PTPN13: variants seen among roughly 807,000 people sequenced by gnomAD.
PTPN13 encodes the protein protein tyrosine phosphatase non-receptor type 13, also known as tyrosine-protein phosphatase non-receptor type 13.
Under a neutral mutation model 284.0 loss-of-function variants are expected in PTPN13, and 191 were observed. That is an observed-to-expected ratio of 0.67 (90% CI 0.60 to 0.76). The LOEUF is 0.76. Ranked by LOEUF, PTPN13 falls within the 30% of genes least tolerant of loss-of-function variation. The probability of loss-of-function intolerance (pLI) is 0.00; values close to 1 mark genes in which losing one functional copy is unlikely to be tolerated. For synonymous variants in PTPN13, 986 were observed against 1,022.3 expected, an observed-to-expected ratio of 0.96 and a Z score of 0.68; for missense variants, 2,797 against 2,939.9, an observed-to-expected ratio of 0.95 and a Z score of 1.12.
chr4:86,605,568 C>CTGTAAGAT (rs1357147016), intron 1 of PTPN13, among the ~76,000 whole-genome samples: 2 of 151,642 alleles, frequency 1.3e-5, no homozygotes, highest in African/African-American at 4.8e-5. Flanking sequence ...CAACTTTTTC[C>CTGTAAGAT]TGTAAGATTG....
intron 7 of PTPN13, among the ~76,000 whole-genome samples, chr4:86,710,195 A>G (rs1732234150): frequency 6.6e-6 from 1 of 152,208 alleles, no homozygotes; most frequent in African/African-American, 2.4e-5. Flanking sequence ...GTTAGGACCC[A>G]TATCTTTAAA....
intron 40 of PTPN13, among the ~76,000 whole-genome samples, chr4:86,793,909 T>TCTAAA (rs139961751): frequency 0.28 from 43,047 of 151,516 alleles, 6,142 homozygotes; most frequent in African/African-American, 0.31. Flanking sequence ...GAAGGAAAGA[T>TCTAAA]CTTGACAGCC....
At chr4:86,604,399 C>T (rs1327308334) in intron 1 of PTPN13, among the ~76,000 whole-genome samples, 1 of 151,976 alleles carries the variant, frequency 6.6e-6, no homozygotes, top group African/African-American at 2.4e-5. Context: ...GAAATAGTAA[C>T]CTAATAAATC....
At chr4:86,664,324 G>A (rs1290899007) in intron 2 of PTPN13, among the ~76,000 whole-genome samples, 2 of 152,090 alleles carry the variant, frequency 1.3e-5, no homozygotes, top group African/African-American at 2.4e-5. Context: ...TATTTTCTGG[G>A]TGAATAATTT....
intron 3 of PTPN13, among the ~76,000 whole-genome samples, chr4:86,681,712 G>C (rs563871005): frequency 2.6e-5 from 4 of 152,290 alleles, no homozygotes; most frequent in African/African-American, 9.6e-5. Flanking sequence ...CAGATCACCT[G>C]AGGTCAGGAG....
At chr4:86,660,291 A>C (rs537761524) in intron 2 of PTPN13, among the ~76,000 whole-genome samples, 1 of 152,318 alleles carries the variant, frequency 6.6e-6, no homozygotes, top group African/African-American at 2.4e-5. Context: ...CAAAATAAAA[A>C]AGAAAGTGTA....
At chr4:86,615,110 C>T (rs78653580) in intron 1 of PTPN13, among the ~76,000 whole-genome samples, 7,073 of 152,144 alleles carry the variant, frequency 0.046, 221 homozygotes, top group African/African-American at 0.061. Context: ...AAATCTCTCA[C>T]GGTCTATTGA....
Position 86,733,284 on chromosome 4 carries a change from A to G in PTPN13, c.1858+518A>G, listed in dbSNP as rs190792143. On this transcript the variant is annotated intron_variant, in intron 12 of 47. Coordinates refer to ENST00000411767, the MANE Select transcript of PTPN13 (RefSeq NM_080683.3). ...CCACAGTGGTCTAAGACACAGCTTC[A>G]GTAGAAACTTCTCCTATTTATCAAT... Among the ~76,000 whole-genome samples, 34 of 152,244 alleles carry G rather than the reference A, an allele frequency of 2.2e-4. No individual in the cohort carries two copies. The East Asian group carries it at 6.4e-3, about 28-fold the overall frequency.
rs572686333 is a variant in PTPN13, at chr4:86,718,576, G to A, written c.1385+1459G>A. 5.5e-3 allele frequency among the ~76,000 whole-genome samples: 831 copies of A among 151,812 alleles called. 8 individuals are homozygous for A. The highest frequency in any genetic ancestry group is 0.019 in the African/African-American group (781 of 41,418). Reference sequence around the variant, plus strand: ...AGCAGTTCTCCTGCCTCAGCCTCCCGAGTAGCTGGGATTGCAGGCACCTGC... The same window carrying A: ...AGCAGTTCTCCTGCCTCAGCCTCCCAAGTAGCTGGGATTGCAGGCACCTGC... On this transcript the variant is annotated intron_variant, in intron 9 of 47. Transcript: ENST00000411767.
intron 16 of PTPN13, among the ~76,000 whole-genome samples, chr4:86,743,147 T>C (rs1207520202): frequency 6.6e-6 from 1 of 152,168 alleles, no homozygotes; most frequent in African/African-American, 2.4e-5. Context: ...ACATTTCTTA[T>C]CCAGTCCATC....
intron 2 of PTPN13, among the ~76,000 whole-genome samples, chr4:86,650,713 T>C (rs1158557107): frequency 6.6e-6 from 1 of 152,248 alleles, no homozygotes. Context: ...TTAATTTCTT[T>C]GTCATATTGT....
At chr4:86,613,228 C>A (rs1014331703) in intron 1 of PTPN13, among the ~76,000 whole-genome samples, 2 of 152,186 alleles carry the variant, frequency 1.3e-5, no homozygotes, top group Non-Finnish European at 2.9e-5. Flanking sequence ...ATGTGGGTAA[C>A]CTCTGCCGAG....
chr4:86,698,448 G>A (rs753951801), intron 6 of PTPN13, among the ~76,000 whole-genome samples: 1 of 152,136 alleles, frequency 6.6e-6, no homozygotes, highest in Non-Finnish European at 1.5e-5. Flanking sequence ...CATATCAATT[G>A]GGAGTTGTCA....
chr4:86,709,899 C>T (rs1447975046), intron 7 of PTPN13, among the ~76,000 whole-genome samples: 1 of 152,164 alleles, frequency 6.6e-6, no homozygotes, highest in African/African-American at 2.4e-5. Flanking sequence ...AGCACTTCTT[C>T]ATATATCCTT....
Position 86,669,170 on chromosome 4 carries a change from ACT to A in PTPN13, c.116-3192_116-3191del, listed in dbSNP as rs201456775. On this transcript the variant is annotated intron_variant, in intron 2 of 47. Coordinates refer to ENST00000411767, the MANE Select transcript of PTPN13 (RefSeq NM_080683.3). ...TTGAAGTAATTTGGCTATCCTCCAA[ACT>A]CTTTTTTTTCTTAGATACCTAATAC... Among the ~76,000 whole-genome samples the A allele has an allele frequency of 9.1e-3, 1,345 of 147,606 alleles. 6 individuals carry two copies. Among genetic ancestry groups the A allele is most frequent in the Non-Finnish European group, 0.014 (907 of 66,620 alleles).
At position 86,807,786 on chromosome 4, in the gene PTPN13, C is replaced by A; in HGVS notation, c.6972C>A (p.Pro2324=). 1 of 1,613,950 alleles carries A rather than the reference C, an allele frequency of 6.2e-7. No homozygotes were observed. The highest frequency in any genetic ancestry group is 8.5e-7 in the Non-Finnish European group (1 of 1,179,886). Residue 2324 remains proline, a synonymous_variant, in exon 45 of 48, where the codon CCC becomes CCA. Coordinates refer to ENST00000411767, the MANE Select transcript of PTPN13 (RefSeq NM_080683.3). The part of the protein sequence containing the change: ...GEKIKCQRYW[P]NILGKTTMVS... Reference sequence around the variant, plus strand: ...AAATCAAATGCCAGCGCTATTGGCCCAACATCCTAGGCAAAACAACAATGG... The same window carrying A: ...AAATCAAATGCCAGCGCTATTGGCCAAACATCCTAGGCAAAACAACAATGG...
chr4:86,701,468 C>G lies in PTPN13; in HGVS notation c.862C>G (p.Pro288Ala). The G allele has an allele frequency of 6.2e-7, 1 of 1,613,820 alleles. No individual in the cohort carries two copies. The highest frequency in any genetic ancestry group is 8.5e-7 in the Non-Finnish European group (1 of 1,179,800). Residue 288 changes from proline to alanine, a missense_variant, in exon 7 of 48, where the codon CCT becomes GCT. Coordinates refer to ENST00000411767, the MANE Select transcript of PTPN13 (RefSeq NM_080683.3). ...TAGTGGCCCAGAAAAAAAACCCATC[C>G]CTGGCATTGATGTGCTTTCTAAGAA... ...KTSGPEKKPI[P>A]GIDVLSKKKI...
chr4:86,789,505 T>A (rs944383232), intron 40 of PTPN13, among the ~76,000 whole-genome samples: 1 of 152,130 alleles, frequency 6.6e-6, no homozygotes, highest in African/African-American at 2.4e-5. Context: ...TCTTAGTAAG[T>A]TTTTAACAAG....
At chr4:86,647,733 C>G (rs1330013406) in intron 2 of PTPN13, among the ~76,000 whole-genome samples, 1 of 151,892 alleles carries the variant, frequency 6.6e-6, no homozygotes, top group African/African-American at 2.4e-5. Flanking sequence ...GGGGCCTAAT[C>G]CAATATGACT....
Sources: gnomAD v4.1 joint callset for allele counts (sites outside exome capture counted in the v4.1 genomes callset) on GRCh38, gnomAD v4.1.1 for gene constraint, MANE v1.5 for transcripts, NCBI Gene and HGNC (gene_info 2026-07-23, HGNC 2026-07-21) for gene names.